The following SLC4A10 variants were observed in gnomAD, a reference collection of about 807,000 sequenced individuals.
The protein encoded by SLC4A10 is sodium-driven chloride bicarbonate exchanger.
A neutral mutation model predicts 137.7 loss-of-function variants in SLC4A10; 42 were observed. The observed-to-expected ratio is 0.30, with a 90% CI of 0.24 to 0.39. The LOEUF is 0.39. SLC4A10 is among the 10% of genes least tolerant of loss of function. The pLI, the probability that SLC4A10 is intolerant of heterozygous loss-of-function variation, is 1.00. For missense variants in SLC4A10, 925 were observed against 1,355.0 expected (o/e 0.68, Z 4.98); for synonymous variants, 474 against 464.1 (o/e 1.02, Z -0.27).
intron 11 of SLC4A10, among the ~76,000 whole-genome samples, chr2:161,900,386 T>G (rs776254760): frequency 6.6e-5 from 10 of 152,108 alleles, no homozygotes; most frequent in Non-Finnish European, 1.5e-4. Context: ...GTGATGATGG[T>G]TACTGTTCTT....
chr2:161,896,595 C>A (rs533488384), intron 11 of SLC4A10, among the ~76,000 whole-genome samples: 13 of 152,114 alleles, frequency 8.5e-5, no homozygotes, highest in Admixed American at 2.6e-4. Context: ...TGAAGGACCT[C>A]TTCAAGGAGA....
chr2:161,960,402 CAGAG>C (rs1696467896), intron 21 of SLC4A10, among the ~76,000 whole-genome samples: 1 of 143,084 alleles, frequency 7.0e-6, no homozygotes, highest in Non-Finnish European at 1.5e-5. Flanking sequence ...GGGGAGAACA[CAGAG>C]AGACACAGGA....
At chr2:161,752,068 G>A (rs1346172642) in intron 1 of SLC4A10, among the ~76,000 whole-genome samples, 4 of 151,858 alleles carry the variant, frequency 2.6e-5, no homozygotes, top group African/African-American at 2.4e-5. Context: ...CTAAAGAAAT[G>A]GAGGGTTGGG....
At chr2:161,650,340 G>A (rs1035797587) in intron 1 of SLC4A10, among the ~76,000 whole-genome samples, 1 of 152,260 alleles carries the variant, frequency 6.6e-6, no homozygotes, top group African/African-American at 2.4e-5. Context: ...ATCAGGTGGT[G>A]TGTTACATGA....
chr2:161,719,893 G>C (rs1400211169), intron 1 of SLC4A10, among the ~76,000 whole-genome samples: 1 of 152,252 alleles, frequency 6.6e-6, no homozygotes, highest in African/African-American at 2.4e-5. Context: ...AAGCTCTTTA[G>C]TTTAATTAGA....
intron 2 of SLC4A10, among the ~76,000 whole-genome samples, chr2:161,802,566 T>C (rs77882733): frequency 0.027 from 4,148 of 152,232 alleles, 180 homozygotes; most frequent in African/African-American, 0.094. Flanking sequence ...AAACTCATTA[T>C]TGTAAGGCTT....
At chr2:161,716,284 G>T (rs190807858) in intron 1 of SLC4A10, among the ~76,000 whole-genome samples, 4 of 151,744 alleles carry the variant, frequency 2.6e-5, no homozygotes, top group African/African-American at 9.7e-5. Flanking sequence ...TAGGTTGTCT[G>T]TTTTCTCTGA....
intron 1 of SLC4A10, among the ~76,000 whole-genome samples, chr2:161,684,947 G>A (rs2041228540): frequency 1.3e-5 from 2 of 152,096 alleles, no homozygotes; most frequent in African/African-American, 4.8e-5. Context: ...CTGGTTAGGG[G>A]GTCAGATGAT....
At chr2:161,801,533 G>C (rs1423099120) in intron 2 of SLC4A10, among the ~76,000 whole-genome samples, 6 of 152,032 alleles carry the variant, frequency 3.9e-5, no homozygotes, top group African/African-American at 1.4e-4. Context: ...TTCAAACAAA[G>C]AAAGCTTTAA....
rs1258094103 is a variant in SLC4A10, at chr2:161,649,847, C to A, written c.48+25281C>A. 6.6e-5 allele frequency among the ~76,000 whole-genome samples: 10 copies of A among 151,500 alleles called. No homozygotes were observed. The East Asian group carries it at 1.9e-3, about 29-fold the overall frequency. On this transcript the variant is annotated intron_variant, in intron 1 of 26. Coordinates refer to ENST00000446997, the MANE Select transcript of SLC4A10 (RefSeq NM_001178015.2). ...AGACAGGTATTTAACCTTATTATTT[C>A]AAATCTAATAAGCTTTAAAAACCTG...
At chr2:161,774,710 C>A (rs1173213559) in intron 2 of SLC4A10, among the ~76,000 whole-genome samples, 1 of 151,852 alleles carries the variant, frequency 6.6e-6, no homozygotes, top group Non-Finnish European at 1.5e-5. Flanking sequence ...GCTAGCCTAG[C>A]ATCAGAGTTC....
intron 21 of SLC4A10, among the ~76,000 whole-genome samples, chr2:161,961,104 A>G (rs1265902607): frequency 2.0e-5 from 3 of 152,368 alleles, no homozygotes; most frequent in Middle Eastern, 6.8e-3. Context: ...AAGCAAAAAT[A>G]AATTGCAGCT....
rs376948031 is a variant in SLC4A10, at chr2:161,904,923, A to G, written c.1751+14A>G. On this transcript the variant is annotated intron_variant, in intron 14 of 26. Coordinates refer to ENST00000446997, the MANE Select transcript of SLC4A10 (RefSeq NM_001178015.2). Reference sequence around the variant, plus strand: ...TAAATTTTGCAAGTAAGTGTTATGTACTTTTTGGCCCTTAGCCTCTTCCTT... The same window carrying G: ...TAAATTTTGCAAGTAAGTGTTATGTGCTTTTTGGCCCTTAGCCTCTTCCTT... 6 of 1,613,372 alleles carry G rather than the reference A, an allele frequency of 3.7e-6. No homozygotes were observed. In the African/African-American group the frequency reaches 6.7e-5, roughly 18 times the overall value.
intron 1 of SLC4A10, among the ~76,000 whole-genome samples, chr2:161,749,592 C>T (rs1559163459): frequency 6.6e-6 from 1 of 151,938 alleles, no homozygotes; most frequent in East Asian, 1.9e-4. Context: ...ACCCTTGCAT[C>T]CCCAGGATAA....
chr2:161,950,746 A>G lies in SLC4A10; in HGVS notation c.2439A>G (p.Thr813=). Reference sequence around the variant, plus strand: ...CTTTAGGTCCAAACCCATGGTGGACAGTAATAGCTGCTATAATTCCAGCTC... The same window carrying G: ...CTTTAGGTCCAAACCCATGGTGGACGGTAATAGCTGCTATAATTCCAGCTC... The part of the protein sequence containing the change: ...VTPLGPNPWW[T]VIAAIIPALL... The change falls in exon 19 of 27, where the codon ACA becomes ACG. Residue 813 remains threonine (T), a synonymous_variant. Transcript: ENST00000446997. 1 of 1,596,890 alleles carries G rather than the reference A, an allele frequency of 6.3e-7. No individual in the cohort carries two copies. Among genetic ancestry groups the G allele is most frequent in the Non-Finnish European group, 8.5e-7 (1 of 1,170,782 alleles).
chr2:161,970,150 G>C (rs983684806), intron 23 of SLC4A10, among the ~76,000 whole-genome samples: 4 of 152,066 alleles, frequency 2.6e-5, no homozygotes, highest in Non-Finnish European at 4.4e-5. Flanking sequence ...ATAAAATATA[G>C]TCTTCTAAAT....
rs1158892764 is a variant in SLC4A10 at position 161,631,831 on chromosome 2, A to G, written c.48+7265A>G. Among the ~76,000 whole-genome samples the G allele has an allele frequency of 3.3e-5, 5 of 151,710 alleles. No homozygotes were observed. In the East Asian group the frequency reaches 9.7e-4, roughly 29 times the overall value. On this transcript the variant is annotated intron_variant, in intron 1 of 26. Transcript: ENST00000446997. The stretch of plus-strand genomic sequence containing the variant: ...TCAGAACTCGAGAGGTGCTCTCAGA[A>G]GATGAAAATGGAGATTAATCTACAA...
chr2:161,768,765 AACT>A (rs1402324875), intron 1 of SLC4A10, among the ~76,000 whole-genome samples: 1 of 151,968 alleles, frequency 6.6e-6, no homozygotes, highest in Non-Finnish European at 1.5e-5. Context: ...TTTATATGGT[AACT>A]ACACCCATCT....
In SLC4A10 at chr2:161,873,085, G is replaced by A. The variant is rs140879057; in HGVS notation, c.858+701G>A. ...TCACTTTTCTTCTATTTGTGGGAAAGCAAATCATAATATAAAACTGAATTG... is the reference window on the plus strand; with the variant it reads ...TCACTTTTCTTCTATTTGTGGGAAAACAAATCATAATATAAAACTGAATTG... On this transcript the variant is annotated intron_variant, in intron 7 of 26. Coordinates refer to ENST00000446997, the MANE Select transcript of SLC4A10 (RefSeq NM_001178015.2). Among the ~76,000 whole-genome samples, 131 of 152,218 alleles carry A rather than the reference G, an allele frequency of 8.6e-4. 1 individual carries two copies. In the East Asian group the frequency reaches 0.022, roughly 26 times the overall value.
Sources: gnomAD v4.1 joint callset for allele counts (sites outside exome capture counted in the v4.1 genomes callset) on GRCh38, gnomAD v4.1.1 for gene constraint, MANE v1.5 for transcripts, NCBI Gene and HGNC (gene_info 2026-07-23, HGNC 2026-07-21) for gene names.